Variants in CFTR observed in about 807,000 individuals in gnomAD.
CFTR encodes CF transmembrane conductance regulator, also known as cystic fibrosis transmembrane conductance regulator.
In CFTR, 181 loss-of-function variants were observed where a neutral mutation model predicts 171.6. The observed-to-expected ratio is 1.05, with a 90% CI of 0.93 to 1.19. CFTR has a LOEUF of 1.19. CFTR is among the 50% of genes most tolerant of loss of function. The pLI, the probability that CFTR is intolerant of heterozygous loss-of-function variation, is 0.00. For synonymous variants in CFTR, 583 were observed against 608.0 expected, an observed-to-expected ratio of 0.96 and a Z score of 0.60; for missense variants, 1,968 against 1,734.7, an observed-to-expected ratio of 1.13 and a Z score of -2.39.
At chr7:117,629,414 T>C (rs1182370753) in intron 22 of CFTR, among the ~76,000 whole-genome samples, 2 of 152,152 alleles carry the variant, frequency 1.3e-5, no homozygotes, top group African/African-American at 4.8e-5. Flanking sequence ...CAAAGGAGCT[T>C]GGCTTTATAG....
intron 11 of CFTR, among the ~76,000 whole-genome samples, chr7:117,580,961 A>G (rs1053597865): frequency 4.6e-5 from 7 of 152,188 alleles, no homozygotes; most frequent in Non-Finnish European, 1.0e-4. Context: ...CGAATAAACG[A>G]TTAGTCATCC....
intron 11 of CFTR, among the ~76,000 whole-genome samples, chr7:117,566,794 T>G (rs1033633006): frequency 2.6e-5 from 4 of 152,222 alleles, no homozygotes; most frequent in African/African-American, 9.6e-5. Flanking sequence ...CACTTTCCAT[T>G]TATTTAGTGA....
chr7:117,480,909 G>T (rs1163816002), intron 1 of CFTR, among the ~76,000 whole-genome samples: 1 of 152,172 alleles, frequency 6.6e-6, no homozygotes, highest in African/African-American at 2.4e-5. Flanking sequence ...AGTGTTGTTA[G>T]ATGTAGCACT....
At chr7:117,621,404 C>T (rs1792578285) in intron 21 of CFTR, among the ~76,000 whole-genome samples, 1 of 152,146 alleles carries the variant, frequency 6.6e-6, no homozygotes, top group Non-Finnish European at 1.5e-5. Flanking sequence ...GACAACTCAA[C>T]TCAGTCTTTG....
chr7:117,537,237 C>G (rs1356928330), intron 7 of CFTR, among the ~76,000 whole-genome samples: 2 of 152,190 alleles, frequency 1.3e-5, no homozygotes, highest in African/African-American at 2.4e-5. Context: ...GAGATAGAAT[C>G]AGTACTTGGC....
chr7:117,498,246 C>T (rs948505492), intron 1 of CFTR, among the ~76,000 whole-genome samples: 7 of 152,158 alleles, frequency 4.6e-5, no homozygotes, highest in African/African-American at 1.7e-4. Flanking sequence ...AAAAGAACTT[C>T]TCCAAGTCCC....
At chr7:117,586,218 A>T (rs1429841065) in intron 11 of CFTR, 2 of 152,178 alleles carry the variant, frequency 1.3e-5, no homozygotes, top group African/African-American at 4.8e-5. Flanking sequence ...GAACAAAAGC[A>T]TGCTCATTTA....
At chr7:117,637,956 G>A (rs1306254378) in intron 22 of CFTR, among the ~76,000 whole-genome samples, 1 of 152,234 alleles carries the variant, frequency 6.6e-6, no homozygotes, top group African/African-American at 2.4e-5. Context: ...TGAGAACCTG[G>A]TAAGCATCCT....
chr7:117,616,741 C>G (rs1328511594), intron 21 of CFTR, among the ~76,000 whole-genome samples: 1 of 152,066 alleles, frequency 6.6e-6, no homozygotes. Context: ...TGTTATAATA[C>G]AGTCTATGAA....
chr7:117,640,893 A>C (rs1485621473), intron 22 of CFTR, among the ~76,000 whole-genome samples: 1 of 152,172 alleles, frequency 6.6e-6, no homozygotes, highest in Non-Finnish European at 1.5e-5. Context: ...CAATTCAAAT[A>C]AATATTTATG....
intron 3 of CFTR, among the ~76,000 whole-genome samples, chr7:117,530,417 C>T (rs1402688069): frequency 6.6e-6 from 1 of 152,082 alleles, no homozygotes; most frequent in East Asian, 1.9e-4. Context: ...TTTGAAATTA[C>T]ATCAGGTCAC....
intron 1 of CFTR, among the ~76,000 whole-genome samples, chr7:117,495,307 A>C (rs1798220551): frequency 6.6e-6 from 1 of 152,114 alleles, no homozygotes; most frequent in African/African-American, 2.4e-5. Flanking sequence ...CTGGAAAGGC[A>C]CTCTGAGGAT....
At chr7:117,619,056 A>C (rs1792534790) in intron 21 of CFTR, among the ~76,000 whole-genome samples, 1 of 152,168 alleles carries the variant, frequency 6.6e-6, no homozygotes, top group Admixed American at 6.5e-5. Flanking sequence ...CATTCTATAG[A>C]TGGGGTGAAA....
chr7:117,627,186 G>C (rs1792663039), intron 21 of CFTR, among the ~76,000 whole-genome samples: 1 of 151,986 alleles, frequency 6.6e-6, no homozygotes, highest in South Asian at 2.1e-4. Context: ...TAATATACCG[G>C]TTATACAGCA....
chr7:117,590,068 CACTT>C (rs1378981785), intron 12 of CFTR, among the ~76,000 whole-genome samples: 2 of 151,884 alleles, frequency 1.3e-5, no homozygotes, highest in East Asian at 3.9e-4. Flanking sequence ...TAGTTTATGC[CACTT>C]ACAGTTAGCA....
At chr7:117,561,179 G>A (rs536577026) in intron 11 of CFTR, among the ~76,000 whole-genome samples, 2 of 152,142 alleles carry the variant, frequency 1.3e-5, no homozygotes, top group South Asian at 2.1e-4. Flanking sequence ...AATTGAATAA[G>A]ACATAGTCTA....
intron 23 of CFTR, among the ~76,000 whole-genome samples, chr7:117,648,165 A>G (rs1793027539): frequency 6.6e-6 from 1 of 151,500 alleles, no homozygotes; most frequent in African/African-American, 2.4e-5. Context: ...ACACGCACAC[A>G]CACACACACA....
intron 1 of CFTR, among the ~76,000 whole-genome samples, chr7:117,496,632 A>G (rs1798244920): frequency 6.6e-6 from 1 of 152,212 alleles, no homozygotes; most frequent in African/African-American, 2.4e-5. Context: ...GGTGCTATGA[A>G]CATTTGTGTA....
rs35135985 is a variant in CFTR, at chr7:117,578,290, C to A, written c.1585-9449C>A. On this transcript the variant is annotated intron_variant, in intron 11 of 26. Coordinates refer to ENST00000003084, the MANE Select transcript of CFTR (RefSeq NM_000492.4). ...AACATGAAAACTATGAGGACGAAGACCTTTATGAAGATTCACCTCCACTTA... is the reference window on the plus strand; with the variant it reads ...AACATGAAAACTATGAGGACGAAGAACTTTATGAAGATTCACCTCCACTTA... Among the ~76,000 whole-genome samples, 763 of 152,042 alleles carry A rather than the reference C, an allele frequency of 5.0e-3. 4 individuals are homozygous for A. The highest frequency in any genetic ancestry group is 0.017 in the African/African-American group (702 of 41,486).
Sources: gnomAD v4.1 joint callset for allele counts (sites outside exome capture counted in the v4.1 genomes callset) on GRCh38, gnomAD v4.1.1 for gene constraint, MANE v1.5 for transcripts, NCBI Gene and HGNC (gene_info 2026-07-23, HGNC 2026-07-21) for gene names.